AXDND1: variants seen among roughly 807,000 people sequenced by gnomAD.
AXDND1 encodes the protein axonemal dynein light chain domain containing 1, also known as axonemal dynein light chain domain-containing protein 1.
In AXDND1, 110 loss-of-function variants were observed where a neutral mutation model predicts 137.5. The ratio of observed to expected loss-of-function variants is 0.80; its 90% CI spans 0.69 to 0.94. The LOEUF (loss-of-function observed/expected upper bound fraction) is 0.94. AXDND1 is among the 40% of genes least tolerant of loss of function. The pLI is 0.00. For missense variants in AXDND1, 1,191 were observed against 1,169.8 expected (o/e 1.02, Z -0.26); for synonymous variants, 414 against 399.7 (o/e 1.04, Z -0.43).
At chr1:179,429,031 G>A (rs1656996459) in intron 12 of AXDND1, among the ~76,000 whole-genome samples, 1 of 152,020 alleles carries the variant, frequency 6.6e-6, no homozygotes, top group Non-Finnish European at 1.5e-5. Flanking sequence ...AAAAACATTA[G>A]CCAGGCATCG....
chr1:179,380,984 C>CT lies in AXDND1; in HGVS notation c.581+1505dup, dbSNP rs895782778. On this transcript the variant is annotated intron_variant, in intron 6 of 25. Transcript: ENST00000367618. ...AATCAAATACTTCTACCACCAAATA[C>CT]TTTAGTGTGTATTTCCTAACAACCC... Among the ~76,000 whole-genome samples the CT allele has an allele frequency of 1.5e-3, 230 of 149,964 alleles. 2 individuals are homozygous for CT. Among genetic ancestry groups the CT allele is most frequent in the African/African-American group, 5.4e-3 (221 of 40,748 alleles).
intron 4 of AXDND1, among the ~76,000 whole-genome samples, chr1:179,376,255 G>A (rs1647252238): frequency 6.6e-6 from 1 of 152,044 alleles, no homozygotes; most frequent in Non-Finnish European, 1.5e-5. Context: ...AGGGATATGT[G>A]GGGGATTGGT....
At chr1:179,420,235 G>A (rs564071318) in intron 12 of AXDND1, among the ~76,000 whole-genome samples, 1 of 152,314 alleles carries the variant, frequency 6.6e-6, no homozygotes, top group East Asian at 1.9e-4. Context: ...TTAATGTGAT[G>A]TATCACATTT....
intron 2 of AXDND1, among the ~76,000 whole-genome samples, chr1:179,368,422 G>A (rs1667689749): frequency 1.3e-5 from 2 of 152,132 alleles, no homozygotes; most frequent in Non-Finnish European, 2.9e-5. Flanking sequence ...TTGACAGCTT[G>A]GGGGGAGAGA....
chr1:179,546,831 G>A lies in AXDND1; in HGVS notation c.3032-7681G>A, dbSNP rs74991994. On this transcript the variant is annotated intron_variant, in intron 25 of 25. Coordinates refer to ENST00000367618, the MANE Select transcript of AXDND1 (RefSeq NM_144696.6). ...CCTGGCTCTTCACCACATACCTACA[G>A]CAACTCAGTGCGCGTGGGCTCCAGG... Among the ~76,000 whole-genome samples the A allele has an allele frequency of 6.2e-3, 937 of 152,236 alleles. 18 individuals carry two copies. The East Asian group carries it at 0.075, about 12-fold the overall frequency.
intron 17 of AXDND1, among the ~76,000 whole-genome samples, chr1:179,475,354 G>A (rs1664482067): frequency 6.6e-6 from 1 of 152,236 alleles, no homozygotes; most frequent in South Asian, 2.1e-4. Flanking sequence ...ACCAGACCAT[G>A]AAAGCAGCCA....
Position 179,447,771 on chromosome 1 carries a change from T to A in AXDND1, c.1798+2567T>A, listed in dbSNP as rs550209746. On this transcript the variant is annotated intron_variant, in intron 16 of 25. Coordinates refer to ENST00000367618, the MANE Select transcript of AXDND1 (RefSeq NM_144696.6). ...TCAAATTTGGAGAAGCTCTTGAGTT[T>A]ACAAATTCATTCCCCACTGGGCTGC... 8 of 1,336,270 alleles carry A rather than the reference T, an allele frequency of 6.0e-6. No individual in the cohort carries two copies. The South Asian group carries it at 9.4e-5, about 16-fold the overall frequency. The allele number at this position is 1,336,270 out of a possible 1,614,324, so 82.8% of individuals were successfully genotyped here. A position where few individuals can be genotyped will look rare whatever the true frequency, so the allele number is the denominator to read the frequency against.
chr1:179,405,247 T>G (rs1652767818), intron 11 of AXDND1, among the ~76,000 whole-genome samples: 1 of 152,214 alleles, frequency 6.6e-6, no homozygotes, highest in South Asian at 2.1e-4. Context: ...GCAAAGGACA[T>G]GAACTCATCC....
At chr1:179,545,528 G>A (rs1428260964) in intron 25 of AXDND1, 2 of 152,050 alleles carry the variant, frequency 1.3e-5, no homozygotes, top group African/African-American at 2.4e-5. Context: ...TGACAGACGA[G>A]CTGAAGCTGT....
intron 23 of AXDND1, among the ~76,000 whole-genome samples, chr1:179,529,364 GC>G (rs773383692): frequency 1.7e-4 from 26 of 152,188 alleles, no homozygotes; most frequent in Admixed American, 1.7e-3. Flanking sequence ...TAGGCTCTTG[GC>G]CCCCTACAAA....
At chr1:179,398,006 C>G (rs1441292467) in intron 11 of AXDND1, among the ~76,000 whole-genome samples, 1 of 152,138 alleles carries the variant, frequency 6.6e-6, no homozygotes, top group Non-Finnish European at 1.5e-5. Flanking sequence ...GCCATCTCAG[C>G]CCAGTTCAGA....
At chr1:179,499,462 G>T (rs1166949169) in intron 20 of AXDND1, among the ~76,000 whole-genome samples, 2 of 152,138 alleles carry the variant, frequency 1.3e-5, no homozygotes, top group Non-Finnish European at 2.9e-5. Flanking sequence ...ATTAGTGGCT[G>T]CCTGGAGCTT....
chr1:179,550,985 G>T (rs2125762220), intron 25 of AXDND1: 1 of 683,700 alleles, frequency 1.5e-6, no homozygotes, highest in East Asian at 2.7e-5. Context: ...GAAACATGTT[G>T]TCTGCCTTCT....
chr1:179,471,414 T>A (rs1318757021), intron 17 of AXDND1, among the ~76,000 whole-genome samples: 1 of 152,218 alleles, frequency 6.6e-6, no homozygotes, highest in Non-Finnish European at 1.5e-5. Context: ...TATTGTCTAT[T>A]TCTTATTGAA....
intron 13 of AXDND1, 88 bp from the exon 14 acceptor site, chr1:179,430,364 C>G: frequency 1.0e-6 from 1 of 994,116 alleles, no homozygotes; most frequent in East Asian, 2.7e-5. Context: ...TCTAGTATTA[C>G]AATATTAATA....
intron 2 of AXDND1, 117 bp downstream of exon 2, chr1:179,366,723 T>A: frequency 1.2e-6 from 1 of 821,900 alleles, no homozygotes; most frequent in Non-Finnish European, 2.0e-6. Context: ...TACATTTTTC[T>A]AACACACTTG....
At chr1:179,495,398 A>C (rs531963428) in intron 20 of AXDND1, among the ~76,000 whole-genome samples, 11 of 152,032 alleles carry the variant, frequency 7.2e-5, no homozygotes, top group Non-Finnish European at 1.6e-4. Context: ...TAGATCTTAC[A>C]TATAGTTTGT....
chr1:179,489,748 T>C (rs1028188125), intron 18 of AXDND1, among the ~76,000 whole-genome samples: 37 of 107,270 alleles, frequency 3.4e-4, no homozygotes, highest in African/African-American at 6.0e-4. Context: ...TTTCTTTTTT[T>C]TTTTTTTTTT....
intron 20 of AXDND1, among the ~76,000 whole-genome samples, chr1:179,503,729 G>A (rs1668254022): frequency 6.6e-6 from 1 of 151,716 alleles, no homozygotes; most frequent in East Asian, 1.9e-4. Context: ...AACAGTCCCC[G>A]GAGTGTGTGA....
Sources: gnomAD v4.1 joint callset for allele counts (sites outside exome capture counted in the v4.1 genomes callset) on GRCh38, gnomAD v4.1.1 for gene constraint, MANE v1.5 for transcripts, NCBI Gene and HGNC (gene_info 2026-07-23, HGNC 2026-07-21) for gene names.